The following WDR64 variants were observed in gnomAD, a reference collection of about 807,000 sequenced individuals.
WDR64 encodes WD repeat-containing protein 64.
Under a neutral mutation model 139.3 loss-of-function variants are expected in WDR64, and 112 were observed. The observed-to-expected ratio is 0.80, with a 90% confidence interval of 0.69 to 0.94. The LOEUF is 0.94. Among genes scored for constraint, WDR64 ranks in the 40% least tolerant of loss-of-function variants. The pLI is 0.00. For synonymous variants in WDR64, 444 were observed against 437.7 expected, an observed-to-expected ratio of 1.01 and a Z score of -0.18; for missense variants, 1,206 against 1,293.1, an observed-to-expected ratio of 0.93 and a Z score of 1.03.
chr1:241,735,853 CTCTGTGTGTG>C lies in WDR64; in HGVS notation c.1195-2508_1195-2499del, dbSNP rs1268247613. ...TCTCTCTCTCTCTCTCTCTCTCTCT[CTCTGTGTGTG>C]TGTGTGTGTGTGTGTGTGTGTGTGT... On this transcript the variant is annotated intron_variant, in intron 10 of 27. Coordinates refer to ENST00000437684, the MANE Select transcript of WDR64 (RefSeq NM_001367482.1). Among the ~76,000 whole-genome samples the C allele has an allele frequency of 6.1e-3, 560 of 91,232 alleles. 3 individuals carry two copies. The highest frequency in any genetic ancestry group is 0.027 in the African/African-American group (530 of 19,900). 59.9% of individuals were successfully genotyped at this position (91,232 alleles called of 152,430 possible).
Position 241,741,637 on chromosome 1 carries a change from C to T in WDR64, c.1443C>T (p.Leu481=), listed in dbSNP as rs374361180. 3.1e-6 allele frequency: 5 copies of T among 1,611,992 alleles called. No homozygotes were observed. Among genetic ancestry groups the T allele is most frequent in the Non-Finnish European group, 4.2e-6 (5 of 1,179,660 alleles). ...MLYNKYFHQV[L]TICSESIIRV... ...ACAACAAATATTTTCATCAAGTACT[C>T]ACTATCTGCTCTGAATCCATAATTA... Residue 481 remains leucine, a synonymous_variant, in exon 12 of 28, where the codon CTC becomes CTT. Coordinates refer to ENST00000437684, the MANE Select transcript of WDR64 (RefSeq NM_001367482.1).
At chr1:241,777,080 A>G (rs1057257388) in intron 21 of WDR64, among the ~76,000 whole-genome samples, 1 of 152,168 alleles carries the variant, frequency 6.6e-6, no homozygotes, top group Non-Finnish European at 1.5e-5. Context: ...GCATCATTAC[A>G]TCATTAGTTG....
chr1:241,761,285 A>AAACTACATGATGT (rs1657884260), intron 15 of WDR64, among the ~76,000 whole-genome samples: 1 of 152,188 alleles, frequency 6.6e-6, no homozygotes, highest in Non-Finnish European at 1.5e-5. Context: ...AAATCTAGTT[A>AAACTACATGATGT]AAATTACATG....
chr1:241,712,976 T>C (rs1322649843), intron 9 of WDR64, among the ~76,000 whole-genome samples: 2 of 151,548 alleles, frequency 1.3e-5, no homozygotes, highest in East Asian at 2.0e-4. Flanking sequence ...TTCAAAGTCC[T>C]CAATACAAAT....
intron 4 of WDR64, among the ~76,000 whole-genome samples, chr1:241,674,992 TCTCCCTCCC>T (rs1558465820): frequency 1.7e-4 from 7 of 41,682 alleles, no homozygotes; most frequent in East Asian, 9.6e-4. Context: ...TTCCTCCCTT[TCTCCCTCCC>T]TCTCTTCCTT....
At chr1:241,674,309 A>G (rs1666377445) in intron 3 of WDR64, among the ~76,000 whole-genome samples, 1 of 124,312 alleles carries the variant, frequency 8.0e-6, no homozygotes, top group Admixed American at 1.1e-4. Flanking sequence ...CCCAGGCTGG[A>G]GTGCAGTGGT....
At position 241,656,393 on chromosome 1, in the gene WDR64, G is replaced by T. The variant is rs58716230; in HGVS notation, c.145+3764G>T. On this transcript the variant is annotated intron_variant, in intron 1 of 27. Coordinates refer to ENST00000437684, the MANE Select transcript of WDR64 (RefSeq NM_001367482.1). This position sits in a 1 kb window ranked among gnomAD's most constrained non-coding sequence, Gnocchi z 4.3. ...CTCTTAGATCTTGTGAGTGACCTGGGGGAATTAATTTTATCCCAGGACAAA... is the reference window on the plus strand; with the variant it reads ...CTCTTAGATCTTGTGAGTGACCTGGTGGAATTAATTTTATCCCAGGACAAA... Among the ~76,000 whole-genome samples, 48,404 of 151,944 alleles carry T rather than the reference G, an allele frequency of 0.32. 7,762 individuals carry two copies. Among genetic ancestry groups the T allele is most frequent in the Middle Eastern group, 0.37 (107 of 292 alleles).
In WDR64 at chr1:241,720,316, C is replaced by T. The variant is rs1304319964; in HGVS notation, c.1055-2981C>T. ...TGATTTGTATTCCTTTGGGTATATA[C>T]CCAGTAATGGGATTGCTGGGTCAAA... On this transcript the variant is annotated intron_variant, in intron 9 of 27. Transcript: ENST00000437684. Among the ~76,000 whole-genome samples, 3 of 152,086 alleles carry T rather than the reference C, an allele frequency of 2.0e-5. No homozygotes were observed. The South Asian group carries it at 6.2e-4, about 32-fold the overall frequency.
intron 18 of WDR64, 41 bp from the exon 19 acceptor site, chr1:241,771,620 A>G: frequency 7.0e-7 from 1 of 1,428,902 alleles, no homozygotes; most frequent in Non-Finnish European, 9.3e-7. Flanking sequence ...ATTTTCTTAC[A>G]ATGTCATGGA....
intron 14 of WDR64, among the ~76,000 whole-genome samples, chr1:241,753,441 C>T (rs561154792): frequency 3.3e-5 from 5 of 152,294 alleles, no homozygotes; most frequent in East Asian, 1.9e-4. Context: ...TGGTGGCTCA[C>T]GCCTGTAATC....
rs1030918291 is a variant in WDR64, at chr1:241,770,621, G to A, written c.2184G>A (p.Arg728=). The A allele has an allele frequency of 3.2e-6, 5 of 1,551,146 alleles. No homozygotes were observed. Among genetic ancestry groups the A allele is most frequent in the Non-Finnish European group, 3.5e-6 (4 of 1,146,722 alleles). ...GTGGGCTTCCCCACTCCCCTTATAG[G>A]AGATCAAGTCAGGATTCCATATGTT... The part of the protein sequence containing the change: ...LFLFRTPECA[R]RSSQDSICSS... The change falls in exon 18 of 28, where the codon AGG becomes AGA. Residue 728 remains arginine, a splice_region_variant and synonymous_variant. Coordinates refer to ENST00000437684, the MANE Select transcript of WDR64 (RefSeq NM_001367482.1).
intron 10 of WDR64, among the ~76,000 whole-genome samples, chr1:241,723,981 G>GAAAT (rs891293857): frequency 6.6e-6 from 1 of 151,416 alleles, no homozygotes; most frequent in African/African-American, 2.4e-5. Flanking sequence ...AATAAATAAG[G>GAAAT]AAATAAATAA....
At chr1:241,666,586 G>A (rs1179454176) in intron 2 of WDR64, among the ~76,000 whole-genome samples, 1 of 152,192 alleles carries the variant, frequency 6.6e-6, no homozygotes, top group East Asian at 1.9e-4. Flanking sequence ...CATAGCTGAT[G>A]TGTTGTTTGG....
chr1:241,757,884 C>T (rs777711465), intron 15 of WDR64, among the ~76,000 whole-genome samples: 1 of 151,912 alleles, frequency 6.6e-6, no homozygotes, highest in Non-Finnish European at 1.5e-5. Context: ...AAAAATAATA[C>T]CATTATTTTC....
intron 9 of WDR64, among the ~76,000 whole-genome samples, chr1:241,715,375 T>A (rs925019598): frequency 6.6e-6 from 1 of 152,188 alleles, no homozygotes; most frequent in Admixed American, 6.5e-5. Flanking sequence ...CATTGCTCCT[T>A]CCTGAGTTAA....
chr1:241,746,498 C>T (rs1486856085), intron 13 of WDR64, among the ~76,000 whole-genome samples: 3 of 150,662 alleles, frequency 2.0e-5, no homozygotes, highest in East Asian at 1.9e-4. Flanking sequence ...GCTGCTACAA[C>T]GGAATACCAT....
chr1:241,674,496 C>A (rs1172501052), intron 3 of WDR64, 148 bp from the exon 4 acceptor site: 2 of 528,974 alleles, frequency 3.8e-6, no homozygotes, highest in Admixed American at 7.3e-5. Flanking sequence ...CTTGAGCAAT[C>A]CACCTTCCTT....
chr1:241,785,668 C>G (rs540486053), intron 23 of WDR64, among the ~76,000 whole-genome samples: 2 of 152,306 alleles, frequency 1.3e-5, no homozygotes, highest in Admixed American at 1.3e-4. Context: ...ATAGCTACCT[C>G]AGAACACAAC....
intron 15 of WDR64, among the ~76,000 whole-genome samples, chr1:241,764,434 C>T (rs570984030): frequency 6.6e-6 from 1 of 152,268 alleles, no homozygotes; most frequent in African/African-American, 2.4e-5. Flanking sequence ...GAGAGGATCA[C>T]TTGAGGCCAG....
Sources: allele counts gnomAD v4.1 joint callset (sites outside exome capture counted in the v4.1 genomes callset), GRCh38; gene constraint gnomAD v4.1.1; non-coding constraint Gnocchi (gnomAD v3.1); transcripts MANE v1.5; gene names NCBI Gene and HGNC (gene_info 2026-07-23, HGNC 2026-07-21).